Variants in MDK observed in about 807,000 individuals in gnomAD.
The protein encoded by MDK is midkine, also known as amphiregulin-associated protein.
MDK carries 17 observed loss-of-function variants against 18.9 expected under a neutral mutation model. That is an observed-to-expected ratio of 0.90 (90% confidence interval 0.62 to 1.35). The LOEUF is 1.35. Ranked by LOEUF, MDK falls within the 40% of genes most tolerant of loss-of-function variation. MDK has a pLI of 0.00. For missense variants in MDK, 180 were observed against 186.3 expected, an observed-to-expected ratio of 0.97 and a Z score of 0.20; for synonymous variants, 86 against 74.3, an observed-to-expected ratio of 1.16 and a Z score of -0.81.
rs562289637 is a variant in MDK at position 46,382,008 on chromosome 11, G to A, written c.-1-49G>A. The A allele has an allele frequency of 5.2e-6, 8 of 1,538,048 alleles. No individual in the cohort carries two copies. In the Admixed American group the frequency reaches 9.6e-5, roughly 18 times the overall value. On this transcript the variant is annotated intron_variant, in intron 1 of 4. Transcript: ENST00000395566. Reference sequence around the variant, plus strand: ...TGGGAGGGCCCTGCACGCGGCCCCCGGTGGGGAAGGGGACGGGCCAGGGAT... The same window carrying A: ...TGGGAGGGCCCTGCACGCGGCCCCCAGTGGGGAAGGGGACGGGCCAGGGAT...
Position 46,382,471 on chromosome 11 carries a change from G to A in MDK, c.244+10G>A. On this transcript the variant is annotated intron_variant, in intron 3 of 4. Coordinates refer to ENST00000395566, the MANE Select transcript of MDK (RefSeq NM_002391.6). ...AAGAAGGAGTTTGGAGGTGAGGCGGGGCGCAGTCAGAGGGCAGGAGACGGG... is the reference window on the plus strand; with the variant it reads ...AAGAAGGAGTTTGGAGGTGAGGCGGAGCGCAGTCAGAGGGCAGGAGACGGG... 6.6e-7 allele frequency: 1 copy of A among 1,520,414 alleles called. No individual in the cohort carries two copies. Among genetic ancestry groups the A allele is most frequent in the Non-Finnish European group, 8.8e-7 (1 of 1,131,074 alleles). The allele number at this position is 1,520,414 out of a possible 1,614,324, so 94.2% of individuals were successfully genotyped here.
intron 2 of MDK, 34 bp downstream of exon 2, chr11:46,382,167 G>C (rs1171755314): frequency 1.2e-6 from 2 of 1,608,478 alleles, no homozygotes; most frequent in African/African-American, 1.3e-5. Flanking sequence ...GGCTGGGGAC[G>C]GGCAGGCGAG....
At chr11:46,382,807 C>T (rs754234129) in intron 4 of MDK, 59 bp downstream of exon 4, 2 of 1,450,840 alleles carry the variant, frequency 1.4e-6, no homozygotes, top group East Asian at 5.0e-5. Flanking sequence ...CCCCCCCCCG[C>T]CTGTGAGGGG....
At chr11:46,380,875 C>CG (rs1380420423), upstream of MDK, 2 of 152,198 alleles carry the variant, frequency 1.3e-5, no homozygotes, top group African/African-American at 4.8e-5. Context: ...CCCCAGGCCT[C>CG]GGGGGCTCTC....
chr11:46,382,790 G>GGGGGGGGGGGGGGCCCCCCC, intron 4 of MDK, 42 bp downstream of exon 4: 1 of 985,982 alleles, frequency 1.0e-6, no homozygotes, highest in African/African-American at 3.0e-5. Flanking sequence ...GCGGGGGGCT[G>GGGGGGGGGGGGGGCCCCCCC]CCCCCCCCCC....
At chr11:46,381,966 A>G (rs1181347678) in intron 1 of MDK, 91 bp from the exon 2 acceptor site, 4 of 1,371,502 alleles carry the variant, frequency 2.9e-6, no homozygotes, top group Non-Finnish European at 3.0e-6. Context: ...GGGCCTGGAA[A>G]GTGGAGCACG....
Position 46,382,706 on chromosome 11 carries a change from G to T in MDK, c.364G>T (p.Val122Phe), listed in dbSNP as rs750294696. The stretch of plus-strand genomic sequence containing the variant: ...TGCTCAGTGCCAGGAGACCATCCGC[G>T]TCACCAAGCCCTGCACCCCCAAGAC... ...YNAQCQETIR[V>F]TKPCTPKTKA... The change falls in exon 4 of 5, where the codon GTC becomes TTC. Residue 122 changes from valine to phenylalanine, a missense_variant. Val to Phe is a conservative substitution (Grantham distance 50). Coordinates refer to ENST00000395566, the MANE Select transcript of MDK (RefSeq NM_002391.6). 1 of 1,610,878 alleles carries T rather than the reference G, an allele frequency of 6.2e-7. No individual in the cohort carries two copies. Among genetic ancestry groups the T allele is most frequent in the African/African-American group, 1.4e-5 (1 of 73,732 alleles).
In MDK at chr11:46,381,709, C is replaced by T. The variant is rs1476623716; in HGVS notation, c.-51C>T. Reference sequence around the variant, plus strand: ...ACAAAAGGGGCCGCGGCGGCCGGAGCGGGACGGGCCCGGCGCGGGAGGGAG... The same window carrying T: ...ACAAAAGGGGCCGCGGCGGCCGGAGTGGGACGGGCCCGGCGCGGGAGGGAG... On this transcript the variant is annotated 5_prime_UTR_variant, in exon 1 of 5. Transcript: ENST00000395566. 4.2e-5 allele frequency: 7 copies of T among 166,440 alleles called. No homozygotes were observed. The highest frequency in any genetic ancestry group is 1.7e-4 in the East Asian group (1 of 5,934). The allele number at this position is 166,440 out of a possible 1,614,324, so 10.3% of individuals were successfully genotyped here.
intron 3 of MDK, 27 bp downstream of exon 3, chr11:46,382,488 G>T: frequency 6.6e-7 from 1 of 1,526,154 alleles, no homozygotes. Flanking sequence ...TCAGAGGGCA[G>T]GAGACGGGGG....
In MDK at chr11:46,382,612, C is replaced by G. The variant is rs771631882; in HGVS notation, c.270C>G (p.Asn90Lys). The change falls in exon 4 of 5, where the codon AAC (asparagine) becomes AAG (lysine). Residue 90 changes from asparagine (N) to lysine (K), a missense_variant. Coordinates refer to ENST00000395566, the MANE Select transcript of MDK (RefSeq NM_002391.6). Reference sequence around the variant, plus strand: ...CCGACTGCAAGTACAAGTTTGAGAACTGGGGTGCGTGTGATGGGGGCACAG... The same window carrying G: ...CCGACTGCAAGTACAAGTTTGAGAAGTGGGGTGCGTGTGATGGGGGCACAG... Reference protein sequence around the residue: ...FGADCKYKFENWGACDGGTGT... With the variant: ...FGADCKYKFEKWGACDGGTGT... 1 of 1,612,292 alleles carries G rather than the reference C, an allele frequency of 6.2e-7. No individual in the cohort carries two copies. The highest frequency in any genetic ancestry group is 1.7e-5 in the Admixed American group (1 of 59,928).
Position 46,382,721 on chromosome 11 carries a change from A to G in MDK, c.379A>G (p.Thr127Ala), listed in dbSNP as rs746584094. The G allele has an allele frequency of 5.7e-6, 9 of 1,573,394 alleles. 1 individual carries two copies. The East Asian group carries it at 1.5e-4, about 26-fold the overall frequency. ...QETIRVTKPC[T>A]PKTKAKAKAK... ...GACCATCCGCGTCACCAAGCCCTGC[A>G]CCCCCAAGACCAAAGCAAAGGCCAA... Residue 127 changes from threonine to alanine, a missense_variant, in exon 4 of 5, where the codon ACC (threonine) becomes GCC (alanine). Transcript: ENST00000395566.
In MDK at chr11:46,383,535, G is replaced by C. The variant is rs1161781156; in HGVS notation, c.*41G>C. 1 of 1,602,844 alleles carries C rather than the reference G, an allele frequency of 6.2e-7. No individual in the cohort carries two copies. Among genetic ancestry groups the C allele is most frequent in the South Asian group, 1.1e-5 (1 of 90,880 alleles). On this transcript the variant is annotated 3_prime_UTR_variant, in exon 5 of 5. Transcript: ENST00000395566. ...GCCAAGGAGCCCCTGGTGTCACATGGGGCCTGGCCCACGCCCTCCCTCTCC... is the reference window on the plus strand; with the variant it reads ...GCCAAGGAGCCCCTGGTGTCACATGCGGCCTGGCCCACGCCCTCCCTCTCC...
In MDK at chr11:46,383,529, C is replaced by G. The variant is rs754611380; in HGVS notation, c.*35C>G. 10 of 1,608,214 alleles carry G rather than the reference C, an allele frequency of 6.2e-6. No individual in the cohort carries two copies. Among genetic ancestry groups the G allele is most frequent in the Non-Finnish European group, 8.5e-6 (10 of 1,175,154 alleles). Reference sequence around the variant, plus strand: ...CTGGATGCCAAGGAGCCCCTGGTGTCACATGGGGCCTGGCCCACGCCCTCC... The same window carrying G: ...CTGGATGCCAAGGAGCCCCTGGTGTGACATGGGGCCTGGCCCACGCCCTCC... On this transcript the variant is annotated 3_prime_UTR_variant, in exon 5 of 5. Coordinates refer to ENST00000395566, the MANE Select transcript of MDK (RefSeq NM_002391.6).
At chr11:46,380,879 G>T (rs1436767456), upstream of MDK, 1 of 152,246 alleles carries the variant, frequency 6.6e-6, no homozygotes, top group Non-Finnish European at 1.5e-5. Flanking sequence ...AGGCCTCGGG[G>T]GCTCTCCCGG....
upstream of MDK, chr11:46,381,444 A>C (rs1945160832): frequency 6.7e-6 from 1 of 149,640 alleles, no homozygotes; most frequent in Non-Finnish European, 1.5e-5. Context: ...CGCTCGGAAG[A>C]TGGGGCCGGG....
At chr11:46,382,817 G>C in intron 4 of MDK, 69 bp downstream of exon 4, 3 of 1,513,454 alleles carry the variant, frequency 2.0e-6, no homozygotes, top group Non-Finnish European at 2.7e-6. Context: ...CCTGTGAGGG[G>C]ACAATTCCAA....
chr11:46,382,759 G>A lies in MDK; in HGVS notation c.406+11G>A. The A allele has an allele frequency of 6.3e-7, 1 of 1,595,334 alleles. No homozygotes were observed. The highest frequency in any genetic ancestry group is 8.5e-7 in the Non-Finnish European group (1 of 1,171,658). On this transcript the variant is annotated intron_variant, in intron 4 of 4. Transcript: ENST00000395566. ...AAGCAAAGGCCAAAGGTCAGCGAAA[G>A]GAGAAGGGGGTGGGGCTGTCGCGGG...
At chr11:46,382,241 C>T in intron 2 of MDK, 53 bp from the exon 3 acceptor site, 3 of 1,603,724 alleles carry the variant, frequency 1.9e-6, no homozygotes, top group East Asian at 2.2e-5. Flanking sequence ...AGGCGGCTCC[C>T]GAGGGAGTCT....
rs1279806990 is a variant in MDK at position 46,383,778 on chromosome 11, A to G, written c.*284A>G. 5.7e-6 allele frequency: 3 copies of G among 527,238 alleles called. No homozygotes were observed. The highest frequency in any genetic ancestry group is 1.1e-5 in the Non-Finnish European group (3 of 284,954). 32.7% of individuals were successfully genotyped at this position (527,238 alleles called of 1,614,324 possible). Reference sequence around the variant, plus strand: ...AATTCCATTACTAAGAAACACATCAAATAAACTGACTTTTTCCCCCCAATA... The same window carrying G: ...AATTCCATTACTAAGAAACACATCAGATAAACTGACTTTTTCCCCCCAATA... On this transcript the variant is annotated 3_prime_UTR_variant, in exon 5 of 5. Coordinates refer to ENST00000395566, the MANE Select transcript of MDK (RefSeq NM_002391.6).
Sources: allele counts gnomAD v4.1 joint callset, GRCh38; gene constraint gnomAD v4.1.1; transcripts MANE v1.5; gene names NCBI Gene and HGNC (gene_info 2026-07-23, HGNC 2026-07-21).